Variants in RBFOX2 observed in about 807,000 individuals in gnomAD.
RBFOX2 encodes the protein RNA binding protein fox-1 homolog 2.
A neutral mutation model predicts 49.1 loss-of-function variants in RBFOX2; 10 were observed. The observed-to-expected ratio is 0.20, with a 90% confidence interval of 0.13 to 0.35. The LOEUF is 0.35. Among genes scored for constraint, RBFOX2 ranks in the 10% least tolerant of loss-of-function variants. RBFOX2 has a pLI of 1.00. For missense variants in RBFOX2, 323 were observed against 486.9 expected, an observed-to-expected ratio of 0.66 and a Z score of 3.17; for synonymous variants, 183 against 187.4, an observed-to-expected ratio of 0.98 and a Z score of 0.19.
intron 1 of RBFOX2, among the ~76,000 whole-genome samples, chr22:35,950,952 TC>T (rs777661209): frequency 1.3e-5 from 2 of 150,714 alleles, no homozygotes; most frequent in Admixed American, 1.3e-4. Context: ...GGTAAAGAAT[TC>T]TTTTTTTTTT....
At chr22:35,743,045 T>C (rs1930739972) in exon 12 of RBFOX2, 1 of 152,704 alleles carries the variant, frequency 6.5e-6, no homozygotes, top group Admixed American at 6.5e-5. Context: ...TGCCCTTCCA[T>C]GTCCTCATCA....
intron 1 of RBFOX2, among the ~76,000 whole-genome samples, chr22:35,871,121 T>C (rs2044303335): frequency 6.6e-6 from 1 of 152,222 alleles, no homozygotes; most frequent in African/African-American, 2.4e-5. Context: ...AAAGATATTC[T>C]AAAAGGTCAC....
At position 35,874,451 on chromosome 22, in the gene RBFOX2, T is replaced by C. The variant is rs146673799; in HGVS notation, c.-34+64396A>G. Among the ~76,000 whole-genome samples, 3 of 151,446 alleles carry C rather than the reference T, an allele frequency of 2.0e-5. No individual in the cohort carries two copies. The East Asian group carries it at 5.8e-4, about 29-fold the overall frequency. On this transcript the variant is annotated intron_variant, in intron 1 of 13. Coordinates refer to the RBFOX2 transcript ENST00000359369. ...GGGTGGATGGAGGCAGAAAACAACCTAAGACATAAAAAACATAAAGGAACA... is the reference window on the plus strand; with the variant it reads ...GGGTGGATGGAGGCAGAAAACAACCCAAGACATAAAAAACATAAAGGAACA...
At chr22:35,748,429 C>G (rs1933630436) in intron 9 of RBFOX2, 1 of 151,846 alleles carries the variant, frequency 6.6e-6, no homozygotes, top group African/African-American at 2.4e-5. Context: ...CTGGGCAAAG[C>G]TGTAAATCCT....
intron 1 of RBFOX2, among the ~76,000 whole-genome samples, chr22:35,890,980 A>G (rs1193761055): frequency 6.6e-6 from 1 of 152,102 alleles, no homozygotes; most frequent in African/African-American, 2.4e-5. Context: ...CTTAGTCCTT[A>G]GCAATGTTGT....
chr22:35,870,424 A>G (rs1272640296), intron 1 of RBFOX2, among the ~76,000 whole-genome samples: 3 of 152,170 alleles, frequency 2.0e-5, no homozygotes, highest in Non-Finnish European at 4.4e-5. Flanking sequence ...GTGAGCCGAG[A>G]TTGCACCACT....
intron 1 of RBFOX2, among the ~76,000 whole-genome samples, chr22:35,949,480 T>C (rs181536756): frequency 2.0e-5 from 3 of 152,378 alleles, no homozygotes; most frequent in Admixed American, 6.5e-5. Context: ...GGGACTGCCA[T>C]ACTGTTTTCC....
intron 1 of RBFOX2, among the ~76,000 whole-genome samples, chr22:35,955,316 A>C (rs1333878057): frequency 6.6e-6 from 1 of 152,222 alleles, no homozygotes; most frequent in African/African-American, 2.4e-5. Flanking sequence ...ACTAAAACTG[A>C]GTACTTTTAA....
At chr22:35,765,950 A>T (rs1164848574) in intron 5 of RBFOX2, among the ~76,000 whole-genome samples, 1 of 152,170 alleles carries the variant, frequency 6.6e-6, no homozygotes, top group Non-Finnish European at 1.5e-5. Context: ...TCTGTCAGAG[A>T]TTTTTACTGT....
intron 2 of RBFOX2, among the ~76,000 whole-genome samples, chr22:35,801,654 G>A (rs1192065261): frequency 6.6e-6 from 1 of 151,914 alleles, no homozygotes; most frequent in Non-Finnish European, 1.5e-5. Flanking sequence ...GTGAAACCTC[G>A]TCTCTACTAA....
chr22:35,840,267 A>G, exon 1 of RBFOX2: 1 of 1,613,872 alleles, frequency 6.2e-7, no homozygotes. Context: ...GTGCTGGGGC[A>G]CACCTCCACA....
At chr22:35,969,994 T>C (rs1314929197) in intron 1 of RBFOX2, among the ~76,000 whole-genome samples, 1 of 152,256 alleles carries the variant, frequency 6.6e-6, no homozygotes, top group Non-Finnish European at 1.5e-5. Context: ...ATGAGTCTGG[T>C]ACCTGGCAAA....
At chr22:35,755,193 T>C (rs191628384) in intron 9 of RBFOX2, among the ~76,000 whole-genome samples, 275 of 152,330 alleles carry the variant, frequency 1.8e-3, no homozygotes, top group African/African-American at 5.9e-3. Context: ...GACAAGTTTT[T>C]CTTATAAAAA....
At chr22:35,940,817 G>C (rs1057284041), upstream of RBFOX2, among the ~76,000 whole-genome samples, 3 of 152,188 alleles carry the variant, frequency 2.0e-5, no homozygotes, top group Admixed American at 1.3e-4. Flanking sequence ...CTTGAAAACA[G>C]ACACAAAAGG....
chr22:35,773,475 G>C (rs781438193), intron 4 of RBFOX2, among the ~76,000 whole-genome samples: 33 of 151,882 alleles, frequency 2.2e-4, no homozygotes, highest in Non-Finnish European at 4.0e-4. Flanking sequence ...TAAGGTGATG[G>C]CTATCCCAAT....
chr22:35,899,596 G>T (rs2048320315), intron 1 of RBFOX2, among the ~76,000 whole-genome samples: 1 of 150,854 alleles, frequency 6.6e-6, no homozygotes, highest in Admixed American at 6.6e-5. Flanking sequence ...AAGAAAAAAG[G>T]GGGAACAAAG....
chr22:35,820,574 A>G (rs1954243841), intron 1 of RBFOX2, among the ~76,000 whole-genome samples: 1 of 152,122 alleles, frequency 6.6e-6, no homozygotes, highest in Non-Finnish European at 1.5e-5. Context: ...CTTATATTCA[A>G]TTACAATTAT....
At chr22:35,770,377 C>G (rs1194075872) in intron 4 of RBFOX2, among the ~76,000 whole-genome samples, 1 of 152,084 alleles carries the variant, frequency 6.6e-6, no homozygotes, top group Non-Finnish European at 1.5e-5. Context: ...TATATGAAAA[C>G]TAAGACCTAG....
chr22:35,795,747 C>T (rs1483132314), intron 2 of RBFOX2, among the ~76,000 whole-genome samples: 3 of 151,664 alleles, frequency 2.0e-5, no homozygotes, highest in African/African-American at 7.3e-5. Context: ...GGCCACTCAG[C>T]TATTTGCTCA....
Sources: gnomAD v4.1 joint callset for allele counts (sites outside exome capture counted in the v4.1 genomes callset) on GRCh38, gnomAD v4.1.1 for gene constraint, MANE v1.5 for transcripts, NCBI Gene and HGNC (gene_info 2026-07-23, HGNC 2026-07-21) for gene names.